The following NEK11 variants were observed in gnomAD, a reference collection of about 807,000 sequenced individuals.
The protein encoded by NEK11 is NIMA related kinase 11.
A neutral mutation model predicts 80.7 loss-of-function variants in NEK11; 72 were observed. That is an observed-to-expected ratio of 0.89 (90% CI 0.74 to 1.08). The LOEUF (loss-of-function observed/expected upper bound fraction) is 1.08. NEK11 is among the 50% of genes least tolerant of loss of function. NEK11 has a pLI of 0.00. For synonymous variants in NEK11, 251 were observed against 260.7 expected (o/e 0.96, Z 0.36); for missense variants, 764 against 763.6 (o/e 1.00, Z -0.01).
At chr3:131,119,169 G>GTCTTTGT (rs1190682744) in intron 5 of NEK11, among the ~76,000 whole-genome samples, 1 of 152,124 alleles carries the variant, frequency 6.6e-6, no homozygotes, top group African/African-American at 2.4e-5. Context: ...GGTATGTTGT[G>GTCTTTGT]TCTTTGTTCT....
rs146998748 is a variant in NEK11 at position 131,261,415 on chromosome 3, C to T, written c.1622-12063C>T. On this transcript the variant is annotated intron_variant, in intron 16 of 17. Transcript: ENST00000383366. ...AATGCTCATAACATTTACTGTTGGT[C>T]CCAGCCATTTGCTTCTTAGCATTTG... Among the ~76,000 whole-genome samples, 316 of 152,290 alleles carry T rather than the reference C, an allele frequency of 2.1e-3. 2 individuals carry two copies. The highest frequency in any genetic ancestry group is 7.4e-3 in the African/African-American group (306 of 41,574).
chr3:131,122,400 G>A (rs909930010), intron 5 of NEK11, among the ~76,000 whole-genome samples: 2 of 152,142 alleles, frequency 1.3e-5, no homozygotes, highest in African/African-American at 4.8e-5. Flanking sequence ...CTGATATGCT[G>A]ACAGTGGCCA....
In NEK11 at chr3:131,151,701, G is replaced by GT. The variant is rs983071372; in HGVS notation, c.648-677dup. 8.0e-3 allele frequency among the ~76,000 whole-genome samples: 1,170 copies of GT among 146,886 alleles called. 15 individuals carry two copies. The highest frequency in any genetic ancestry group is 0.026 in the African/African-American group (1,046 of 40,440). ...AGCTCAGACAGGAATTTCCCTTTCA[G>GT]TTTTTTTTTTAATGATGTAGAGTTA... is the stretch of plus-strand genomic sequence containing the variant. On this transcript the variant is annotated intron_variant, in intron 7 of 17. Transcript: ENST00000383366.
chr3:131,328,477 AAAC>A (rs1013462649), intron 17 of NEK11: 2 of 152,180 alleles, frequency 1.3e-5, no homozygotes, highest in African/African-American at 4.8e-5. Flanking sequence ...GCAATCTTGA[AAAC>A]AACAGTCTTC....
At chr3:131,163,849 T>G (rs899209621) in intron 11 of NEK11, among the ~76,000 whole-genome samples, 2 of 152,208 alleles carry the variant, frequency 1.3e-5, no homozygotes, top group Admixed American at 6.5e-5. Context: ...AAATGGAATT[T>G]CAAAGAGGCT....
chr3:131,267,303 G>A (rs2096077383), intron 16 of NEK11, among the ~76,000 whole-genome samples: 1 of 152,218 alleles, frequency 6.6e-6, no homozygotes, highest in Non-Finnish European at 1.5e-5. Flanking sequence ...TTACAATTTA[G>A]CATGTTTTTG....
At chr3:131,318,860 T>G (rs1021940737) in intron 17 of NEK11, among the ~76,000 whole-genome samples, 1 of 151,790 alleles carries the variant, frequency 6.6e-6, no homozygotes, top group African/African-American at 2.4e-5. Flanking sequence ...TAGGACATTC[T>G]GGTGATGTAA....
At chr3:131,276,280 G>A (rs1336452992) in intron 17 of NEK11, among the ~76,000 whole-genome samples, 2 of 152,198 alleles carry the variant, frequency 1.3e-5, no homozygotes, top group African/African-American at 2.4e-5. Flanking sequence ...AGGTTTGTGA[G>A]GGAATCTTCT....
intron 14 of NEK11, among the ~76,000 whole-genome samples, chr3:131,197,889 T>A (rs1216958070): frequency 6.6e-6 from 1 of 152,122 alleles, no homozygotes; most frequent in Non-Finnish European, 1.5e-5. Flanking sequence ...GGCGGTTCCC[T>A]TCTATTTCCC....
At chr3:131,058,584 G>T (rs1485045866) in intron 3 of NEK11, among the ~76,000 whole-genome samples, 1 of 152,094 alleles carries the variant, frequency 6.6e-6, no homozygotes, top group Non-Finnish European at 1.5e-5. Context: ...GCATGTCATT[G>T]TATTTTATGT....
chr3:131,289,718 C>T (rs1403422772), intron 17 of NEK11, among the ~76,000 whole-genome samples: 1 of 152,174 alleles, frequency 6.6e-6, no homozygotes, highest in Non-Finnish European at 1.5e-5. Flanking sequence ...CAGTTCCAGA[C>T]CTGCCAGCAG....
At chr3:131,193,622 TA>T (rs1252227367) in intron 14 of NEK11, among the ~76,000 whole-genome samples, 1 of 152,190 alleles carries the variant, frequency 6.6e-6, no homozygotes, top group African/African-American at 2.4e-5. Flanking sequence ...AAATCATTAA[TA>T]AACAGAATTA....
At position 131,294,328 on chromosome 3, in the gene NEK11, T is replaced by G. The variant is rs2096572374; in HGVS notation, c.1718+20754T>G. On this transcript the variant is annotated intron_variant, in intron 17 of 17. Transcript: ENST00000383366. ...TGAGATTTCTTCTTTAACCCATGTG[T>G]TATTTAGAAGTGTGTTGTTTAATCT... Among the ~76,000 whole-genome samples, 3 of 152,132 alleles carry G rather than the reference T, an allele frequency of 2.0e-5. No individual in the cohort carries two copies. The South Asian group carries it at 6.2e-4, about 31-fold the overall frequency.
At chr3:131,116,537 T>A (rs1460698454) in intron 5 of NEK11, among the ~76,000 whole-genome samples, 7 of 152,218 alleles carry the variant, frequency 4.6e-5, no homozygotes, top group Non-Finnish European at 1.0e-4. Context: ...TCTAGATCCT[T>A]GAGGAATCGC....
At chr3:131,171,084 T>C (rs564275741) in intron 14 of NEK11, among the ~76,000 whole-genome samples, 197 bp downstream of exon 14, 1 of 152,284 alleles carries the variant, frequency 6.6e-6, no homozygotes, top group Admixed American at 6.5e-5. Context: ...CTATCTTCTT[T>C]GCAATAGTGA....
intron 11 of NEK11, among the ~76,000 whole-genome samples, chr3:131,164,385 A>G (rs911946732): frequency 6.6e-6 from 1 of 152,180 alleles, no homozygotes; most frequent in African/African-American, 2.4e-5. Context: ...CCACTATGAC[A>G]TTGAGTGTGA....
intron 7 of NEK11, among the ~76,000 whole-genome samples, chr3:131,143,985 G>A (rs2087578552): frequency 6.6e-6 from 1 of 152,064 alleles, no homozygotes; most frequent in South Asian, 2.1e-4. Context: ...TTATCTAGAA[G>A]ATCAACAAAA....
chr3:131,089,458 C>T (rs886580858), intron 4 of NEK11, among the ~76,000 whole-genome samples: 11 of 152,112 alleles, frequency 7.2e-5, no homozygotes, highest in East Asian at 1.9e-4. Flanking sequence ...TTTTATTTTG[C>T]GATGGAGTCT....
intron 14 of NEK11, among the ~76,000 whole-genome samples, chr3:131,220,100 TC>T (rs2094968317): frequency 6.6e-6 from 1 of 152,208 alleles, no homozygotes; most frequent in South Asian, 2.1e-4. Context: ...GACTTCAATT[TC>T]TTTTTGGTTT....
Sources: gnomAD v4.1 joint callset for allele counts (sites outside exome capture counted in the v4.1 genomes callset) on GRCh38, gnomAD v4.1.1 for gene constraint, MANE v1.5 for transcripts, NCBI Gene and HGNC (gene_info 2026-07-23, HGNC 2026-07-21) for gene names.